AGBL2: variants seen among roughly 807,000 people sequenced by gnomAD.
The protein encoded by AGBL2 is cytosolic carboxypeptidase 2.
Under a neutral mutation model 103.0 loss-of-function variants are expected in AGBL2, and 87 were observed. That is an observed-to-expected ratio of 0.84 (90% CI 0.71 to 1.01). The LOEUF is 1.01. Among genes scored for constraint, AGBL2 ranks in the 50% least tolerant of loss-of-function variants. The pLI is 0.00. For synonymous variants in AGBL2, 335 were observed against 356.7 expected, an observed-to-expected ratio of 0.94 and a Z score of 0.69; for missense variants, 904 against 1,023.5, an observed-to-expected ratio of 0.88 and a Z score of 1.59.
At chr11:47,694,574 T>C (rs1269430433) in intron 8 of AGBL2, among the ~76,000 whole-genome samples, 5 of 152,168 alleles carry the variant, frequency 3.3e-5, no homozygotes, top group African/African-American at 1.2e-4. Flanking sequence ...ATGAGCAGTG[T>C]ATGTCTTTAA....
At chr11:47,712,020 C>G (rs1316013571) in intron 3 of AGBL2, among the ~76,000 whole-genome samples, 1 of 152,150 alleles carries the variant, frequency 6.6e-6, no homozygotes, top group Non-Finnish European at 1.5e-5. Flanking sequence ...CTGCAATGAG[C>G]TGTGATTGCA....
chr11:47,659,640 A>T lies in AGBL2; in HGVS notation c.*533T>A, dbSNP rs942615585. ...CAGCCTAAAAAAATTACAAAACCTCATTGAACATAAGGTACGCAACATTAA... is the reference window on the plus strand; with the variant it reads ...CAGCCTAAAAAAATTACAAAACCTCTTTGAACATAAGGTACGCAACATTAA... On this transcript the variant is annotated 3_prime_UTR_variant, in exon 19 of 19. Coordinates refer to ENST00000525123, the MANE Select transcript of AGBL2 (RefSeq NM_024783.4). 3 of 152,212 alleles carry T rather than the reference A, an allele frequency of 2.0e-5. No homozygotes were observed. Among genetic ancestry groups the T allele is most frequent in the African/African-American group, 7.2e-5 (3 of 41,452 alleles). 9.4% of individuals were successfully genotyped at this position (152,212 alleles called of 1,614,324 possible).
intron 14 of AGBL2, among the ~76,000 whole-genome samples, chr11:47,672,694 G>A (rs2097361187): frequency 6.6e-6 from 1 of 152,134 alleles, no homozygotes; most frequent in African/African-American, 2.4e-5. Context: ...TTCTGAGAGA[G>A]TGGAAGGGAT....
chr11:47,682,427 TCTTC>T (rs1394100122), intron 11 of AGBL2, among the ~76,000 whole-genome samples: 1 of 152,172 alleles, frequency 6.6e-6, no homozygotes, highest in Non-Finnish European at 1.5e-5. Flanking sequence ...GCCCATGAAC[TCTTC>T]CTTCCTGTTG....
Position 47,713,620 on chromosome 11 carries a change from ACT to A in AGBL2, c.97+662_97+663del, listed in dbSNP as rs2097541946. Among the ~76,000 whole-genome samples the A allele has an allele frequency of 2.0e-5, 3 of 148,824 alleles. No homozygotes were observed. In the South Asian group the frequency reaches 6.4e-4, roughly 32 times the overall value. On this transcript the variant is annotated intron_variant, in intron 3 of 18. Transcript: ENST00000525123. ...TTTATTTTTTTTGAGACAGAGTCTC[ACT>A]CTGTCGCCCAGGCTGGAGTGCAGTG...
chr11:47,703,763 T>C (rs1257032079), intron 7 of AGBL2, among the ~76,000 whole-genome samples: 9 of 151,642 alleles, frequency 5.9e-5, no homozygotes, highest in African/African-American at 2.2e-4. Flanking sequence ...CCGTTTCTAC[T>C]AAAAATACAA....
intron 18 of AGBL2, among the ~76,000 whole-genome samples, chr11:47,661,230 A>G (rs868377796): frequency 4.6e-5 from 7 of 152,126 alleles, no homozygotes; most frequent in African/African-American, 1.7e-4. Context: ...CATCCACTAC[A>G]CTGGATTTAA....
At chr11:47,670,201 C>T (rs1329711399) in intron 14 of AGBL2, among the ~76,000 whole-genome samples, 1 of 152,192 alleles carries the variant, frequency 6.6e-6, no homozygotes, top group South Asian at 2.1e-4. Flanking sequence ...TTGGCTGGTA[C>T]CAATTCAGAA....
Position 47,713,217 on chromosome 11 carries a change from G to A in AGBL2, c.97+1067C>T, listed in dbSNP as rs1243407516. ...AAATTAGCTGGGAGTGGTGGTGGGC[G>A]CCTGTAATCCCAGCTACTTGGGAGG... On this transcript the variant is annotated intron_variant, in intron 3 of 18. Transcript: ENST00000525123. Among the ~76,000 whole-genome samples the A allele has an allele frequency of 5.9e-5, 9 of 151,722 alleles. No individual in the cohort carries two copies. The South Asian group carries it at 8.3e-4, about 14-fold the overall frequency.
intron 18 of AGBL2, among the ~76,000 whole-genome samples, chr11:47,662,690 C>CA (rs2097331340): frequency 6.6e-6 from 1 of 151,282 alleles, no homozygotes; most frequent in Non-Finnish European, 1.5e-5. Flanking sequence ...GATGGGGTTT[C>CA]ACCATGTTGG....
chr11:47,680,275 G>A (rs1464937676), intron 12 of AGBL2, among the ~76,000 whole-genome samples: 2 of 151,724 alleles, frequency 1.3e-5, no homozygotes, highest in Non-Finnish European at 2.9e-5. Context: ...CATGGTGAAA[G>A]CTCGTCTCTA....
chr11:47,693,545 A>G (rs1272923603), intron 8 of AGBL2, among the ~76,000 whole-genome samples: 6 of 151,006 alleles, frequency 4.0e-5, no homozygotes. Flanking sequence ...ATATGAGTTT[A>G]TTTTTGGACT....
At chr11:47,684,854 A>G (rs548324094) in intron 11 of AGBL2, among the ~76,000 whole-genome samples, 110 of 152,254 alleles carry the variant, frequency 7.2e-4, no homozygotes, top group African/African-American at 2.2e-3. Context: ...TTGTCCTTCA[A>G]TCTCTTCTTC....
chr11:47,680,124 G>T, intron 12 of AGBL2, 51 bp from the exon 13 acceptor site: 1 of 1,151,288 alleles, frequency 8.7e-7, no homozygotes, highest in Non-Finnish European at 1.3e-6. Flanking sequence ...CTTAGTGACT[G>T]AATGTAAATC....
chr11:47,700,395 A>G (rs960102111), intron 7 of AGBL2, among the ~76,000 whole-genome samples: 2 of 151,998 alleles, frequency 1.3e-5, no homozygotes, highest in African/African-American at 4.8e-5. Context: ...CCTGGCCAAC[A>G]TAGTGAAACT....
In AGBL2 at chr11:47,709,787, C is replaced by T. The variant is rs190177473; in HGVS notation, c.232+590G>A. Among the ~76,000 whole-genome samples the T allele has an allele frequency of 9.2e-5, 14 of 152,244 alleles. 1 individual carries two copies. In the East Asian group the frequency reaches 2.7e-3, roughly 29 times the overall value. ...ATGTTTCTGTAGAGACAGAGTTTTG[C>T]CGTGTTGCCCAGGCTGGTCTCGAGC... On this transcript the variant is annotated intron_variant, in intron 4 of 18. Transcript: ENST00000525123.
At chr11:47,671,514 TGA>T (rs764313267) in intron 14 of AGBL2, among the ~76,000 whole-genome samples, 2 of 150,494 alleles carry the variant, frequency 1.3e-5, no homozygotes, top group Admixed American at 6.7e-5. Flanking sequence ...GGTGACAGAG[TGA>T]GACTCCATCT....
rs746611984 is a variant in AGBL2 at position 47,695,509 on chromosome 11, T to C, written c.695-3253A>G. ...AAAAAAAAAAAACAGTTGAGGGGAA[T>C]GGGACCTGTAATCCTAGCACTTTGG... On this transcript the variant is annotated intron_variant, in intron 8 of 18. Transcript: ENST00000525123. 8.8e-5 allele frequency among the ~76,000 whole-genome samples: 11 copies of C among 124,838 alleles called. 1 individual carries two copies. The highest frequency in any genetic ancestry group is 4.9e-4 in the East Asian group (2 of 4,110). The allele number at this position is 124,838 out of a possible 152,430, so 81.9% of individuals were successfully genotyped here.
chr11:47,670,167 G>A (rs1002103447), intron 14 of AGBL2, among the ~76,000 whole-genome samples: 1 of 152,216 alleles, frequency 6.6e-6, no homozygotes, highest in Non-Finnish European at 1.5e-5. Context: ...TTGAAAACAA[G>A]GGATCTTTCT....
Sources: allele counts gnomAD v4.1 joint callset (sites outside exome capture counted in the v4.1 genomes callset), GRCh38; gene constraint gnomAD v4.1.1; transcripts MANE v1.5; gene names NCBI Gene and HGNC (gene_info 2026-07-23, HGNC 2026-07-21).